The following PKNOX2 variants were observed in gnomAD, a reference collection of about 807,000 sequenced individuals.
The protein encoded by PKNOX2 is PBX/knotted 1 homeobox 2.
A neutral mutation model predicts 53.1 loss-of-function variants in PKNOX2; 14 were observed. The observed-to-expected ratio is 0.26, with a 90% CI of 0.17 to 0.41. The LOEUF (loss-of-function observed/expected upper bound fraction) is 0.41, where lower values mean the gene tolerates loss of function less well. Ranked by LOEUF, PKNOX2 falls within the 10% of genes least tolerant of loss-of-function variation. PKNOX2 has a pLI of 1.00. For missense variants in PKNOX2, 496 were observed against 602.8 expected (o/e 0.82, Z 1.85); for synonymous variants, 257 against 242.8 (o/e 1.06, Z -0.54).
chr11:125,227,754 A>C (rs1355136643), intron 1 of PKNOX2, among the ~76,000 whole-genome samples: 1 of 152,238 alleles, frequency 6.6e-6, no homozygotes, highest in East Asian at 1.9e-4. Context: ...GTATGTAAAA[A>C]GTGGAGGCAT....
intron 1 of PKNOX2, among the ~76,000 whole-genome samples, chr11:125,201,428 AGATGATATG>A (rs1938428096): frequency 6.6e-6 from 1 of 152,152 alleles, no homozygotes; most frequent in African/African-American, 2.4e-5. Flanking sequence ...GGGGACTTCC[AGATGATATG>A]GAAAATGTCC....
At chr11:125,428,923 A>G in intron 10 of PKNOX2, 89 bp from the exon 11 acceptor site, 1 of 1,393,562 alleles carries the variant, frequency 7.2e-7, no homozygotes, top group Admixed American at 1.7e-5. Flanking sequence ...TGCCTGGCTC[A>G]GGATAGTGCC....
At chr11:125,178,867 A>T (rs1955975338) in intron 1 of PKNOX2, among the ~76,000 whole-genome samples, 4 of 151,850 alleles carry the variant, frequency 2.6e-5, no homozygotes. Context: ...AGGAAAACGT[A>T]CCTCCTGAGC....
chr11:125,275,860 G>T (rs189892346), intron 2 of PKNOX2, among the ~76,000 whole-genome samples: 5 of 152,160 alleles, frequency 3.3e-5, no homozygotes, highest in Non-Finnish European at 5.9e-5. Context: ...TCTGAAAAGA[G>T]GTTCAGTTGG....
At chr11:125,267,362 T>C (rs545503743) in intron 2 of PKNOX2, among the ~76,000 whole-genome samples, 1 of 152,308 alleles carries the variant, frequency 6.6e-6, no homozygotes, top group East Asian at 1.9e-4. Context: ...TGAAGGCTTG[T>C]AGAGGGAGGA....
chr11:125,194,274 C>A (rs1278130397), intron 1 of PKNOX2, among the ~76,000 whole-genome samples: 1 of 152,224 alleles, frequency 6.6e-6, no homozygotes, highest in East Asian at 1.9e-4. Context: ...TTGGCATCCC[C>A]TTCCCCACCC....
intron 6 of PKNOX2, among the ~76,000 whole-genome samples, chr11:125,387,521 T>C (rs1041295869): frequency 6.6e-6 from 1 of 151,992 alleles, no homozygotes; most frequent in Non-Finnish European, 1.5e-5. Flanking sequence ...ACTTCCATGC[T>C]CTCTCCTGGC....
At chr11:125,324,754 A>G (rs1173887478) in intron 2 of PKNOX2, among the ~76,000 whole-genome samples, 1 of 152,148 alleles carries the variant, frequency 6.6e-6, no homozygotes, top group Non-Finnish European at 1.5e-5. Flanking sequence ...AGAGGCAAAA[A>G]CAAACAGATT....
At chr11:125,289,670 A>G (rs960029742) in intron 2 of PKNOX2, among the ~76,000 whole-genome samples, 1 of 152,150 alleles carries the variant, frequency 6.6e-6, no homozygotes, top group Non-Finnish European at 1.5e-5. Flanking sequence ...CACTCCTAAA[A>G]ACAAACAAAA....
chr11:125,304,182 G>A lies in PKNOX2; in HGVS notation c.-129-27637G>A, dbSNP rs567366921. ...GCTGCTTGGAAATGGATCCACTTGG[G>A]TAGACACCTAGAAGAGGTGATGTCC... On this transcript the variant is annotated intron_variant, in intron 2 of 12. Coordinates refer to ENST00000298282, the MANE Select transcript of PKNOX2 (RefSeq NM_001382323.2). 1.2e-4 allele frequency among the ~76,000 whole-genome samples: 18 copies of A among 152,262 alleles called. No homozygotes were observed. In the South Asian group the frequency reaches 3.7e-3, roughly 32 times the overall value.
At chr11:125,174,864 C>T (rs957108118) in intron 1 of PKNOX2, among the ~76,000 whole-genome samples, 4 of 152,032 alleles carry the variant, frequency 2.6e-5, no homozygotes, top group Non-Finnish European at 5.9e-5. Context: ...CCCACTCTGC[C>T]CCCCACCCAC....
chr11:125,420,526 A>C (rs1455177508), intron 10 of PKNOX2, among the ~76,000 whole-genome samples: 1 of 53,340 alleles, frequency 1.9e-5, no homozygotes, highest in African/African-American at 5.8e-5. Flanking sequence ...ACTCCATCTC[A>C]AAAAAAAAAA....
chr11:125,316,741 T>G (rs975462479), intron 2 of PKNOX2, among the ~76,000 whole-genome samples: 1 of 152,212 alleles, frequency 6.6e-6, no homozygotes, highest in Non-Finnish European at 1.5e-5. Context: ...AAGTCATAAT[T>G]TTTTGCTGCT....
chr11:125,183,444 C>A (rs2135288826), intron 1 of PKNOX2, among the ~76,000 whole-genome samples: 1 of 148,830 alleles, frequency 6.7e-6, no homozygotes, highest in Middle Eastern at 3.5e-3. Context: ...TCTCGATCTC[C>A]TGACCTCATG....
rs567705213 is a variant in PKNOX2 at position 125,347,468 on chromosome 11, C to G, written c.-22-3816C>G. On this transcript the variant is annotated intron_variant, in intron 3 of 12. Transcript: ENST00000298282. Reference sequence around the variant, plus strand: ...TCCTAATGAGCTCCTTCCTAATGAGCTTGGTATTTTTTTTCTGAGCCTGTT... The same window carrying G: ...TCCTAATGAGCTCCTTCCTAATGAGGTTGGTATTTTTTTTCTGAGCCTGTT... Among the ~76,000 whole-genome samples, 6 of 152,226 alleles carry G rather than the reference C, an allele frequency of 3.9e-5. No individual in the cohort carries two copies. In the South Asian group the frequency reaches 1.2e-3, roughly 32 times the overall value.
intron 3 of PKNOX2, among the ~76,000 whole-genome samples, chr11:125,337,642 C>A (rs925970099): frequency 1.3e-5 from 2 of 152,156 alleles, no homozygotes; most frequent in Non-Finnish European, 2.9e-5. Context: ...CCTTTCTTAG[C>A]GCTGGGATCT....
At chr11:125,340,661 T>C (rs577352328) in intron 3 of PKNOX2, among the ~76,000 whole-genome samples, 19 of 152,316 alleles carry the variant, frequency 1.2e-4, no homozygotes, top group Middle Eastern at 3.4e-3. Context: ...CACATCCAAA[T>C]TGGCTCCAGA....
In PKNOX2 at chr11:125,352,486, G is replaced by A. The variant is rs934603144; in HGVS notation, c.87+1094G>A. 6.6e-6 allele frequency among the ~76,000 whole-genome samples: 1 copy of A among 152,146 alleles called. No homozygotes were observed. Among genetic ancestry groups the A allele is most frequent in the Non-Finnish European group, 1.5e-5 (1 of 68,034 alleles). On this transcript the variant is annotated intron_variant, in intron 4 of 12. Coordinates refer to ENST00000298282, the MANE Select transcript of PKNOX2 (RefSeq NM_001382323.2). The surrounding 1 kb of genome is among the most constrained non-coding windows in gnomAD (Gnocchi z 4.1). ...ACACAGTGGTTCTCATGGGCCACAC[G>A]GAAGATTTGTGCAGCATGAAAGGGG...
At chr11:125,428,818 C>T (rs555335141) in intron 10 of PKNOX2, among the ~76,000 whole-genome samples, 194 bp from the exon 11 acceptor site, 2 of 152,244 alleles carry the variant, frequency 1.3e-5, no homozygotes, top group East Asian at 1.9e-4. Flanking sequence ...TGTGGAGTCT[C>T]GGGCATGGGG....
Sources: gnomAD v4.1 joint callset for allele counts (sites outside exome capture counted in the v4.1 genomes callset) on GRCh38, gnomAD v4.1.1 for gene constraint, Gnocchi (gnomAD v3.1) non-coding constraint, MANE v1.5 for transcripts, NCBI Gene and HGNC (gene_info 2026-07-23, HGNC 2026-07-21) for gene names.